RIPOR2: variants seen among roughly 807,000 people sequenced by gnomAD.
The protein encoded by RIPOR2 is rho family-interacting cell polarization regulator 2.
Under a neutral mutation model 114.5 loss-of-function variants are expected in RIPOR2, and 39 were observed. That is an observed-to-expected ratio of 0.34 (90% CI 0.26 to 0.44). The LOEUF (loss-of-function observed/expected upper bound fraction) is 0.44, where lower values mean the gene tolerates loss of function less well. RIPOR2 is among the 20% of genes least tolerant of loss of function. The probability of loss-of-function intolerance (pLI) is 1.00; values close to 1 mark genes in which losing one functional copy is unlikely to be tolerated. For missense variants in RIPOR2, 1,007 were observed against 1,255.1 expected, an observed-to-expected ratio of 0.80 and a Z score of 2.99; for synonymous variants, 445 against 484.4, an observed-to-expected ratio of 0.92 and a Z score of 1.07.
chr6:24,948,837 C>T (rs995369124), intron 1 of RIPOR2, among the ~76,000 whole-genome samples: 2 of 152,138 alleles, frequency 1.3e-5, no homozygotes, highest in Non-Finnish European at 2.9e-5. Context: ...AGCCACTCTC[C>T]TATTTCAAAC....
At chr6:25,011,667 G>C (rs1205629549) in intron 1 of RIPOR2, among the ~76,000 whole-genome samples, 2 of 152,152 alleles carry the variant, frequency 1.3e-5, no homozygotes, top group Admixed American at 6.5e-5. Flanking sequence ...GTAAAAGGAA[G>C]CAAGTTCTTA....
At chr6:24,974,728 T>C (rs534833394) in intron 1 of RIPOR2, among the ~76,000 whole-genome samples, 1 of 152,346 alleles carries the variant, frequency 6.6e-6, no homozygotes, top group South Asian at 2.1e-4. Flanking sequence ...TTATTCATCA[T>C]AGCCAAAAAT....
intron 1 of RIPOR2, among the ~76,000 whole-genome samples, chr6:24,920,461 C>G (rs893276993): frequency 3.3e-5 from 5 of 152,180 alleles, no homozygotes; most frequent in Non-Finnish European, 7.4e-5. Flanking sequence ...CCAGCCCTTT[C>G]CCTCTGATCT....
At chr6:25,001,706 T>C (rs1159635083) in intron 1 of RIPOR2, among the ~76,000 whole-genome samples, 2 of 148,604 alleles carry the variant, frequency 1.3e-5, no homozygotes, top group East Asian at 2.0e-4. Flanking sequence ...TCTTTCTTTT[T>C]TTTTTTTTTT....
chr6:24,996,129 A>T (rs1219096467), intron 1 of RIPOR2, among the ~76,000 whole-genome samples: 1 of 152,220 alleles, frequency 6.6e-6, no homozygotes, highest in Non-Finnish European at 1.5e-5. Context: ...CCTAGAAAAT[A>T]AAATTCCTTT....
intron 1 of RIPOR2, among the ~76,000 whole-genome samples, chr6:24,881,472 G>T (rs964073510): frequency 3.9e-5 from 6 of 152,098 alleles, no homozygotes; most frequent in Non-Finnish European, 7.4e-5. Context: ...ACACAACAGG[G>T]TCTTTCTGGA....
chr6:24,990,898 A>G (rs1181975821), intron 1 of RIPOR2, among the ~76,000 whole-genome samples: 5 of 152,248 alleles, frequency 3.3e-5, no homozygotes, highest in African/African-American at 1.2e-4. Flanking sequence ...GAAGCTCTAA[A>G]TACACAATAA....
rs1776076944 is a variant in RIPOR2 at position 25,017,572 on chromosome 6, T to G, written c.76+24279A>C. Among the ~76,000 whole-genome samples, 3 of 152,234 alleles carry G rather than the reference T, an allele frequency of 2.0e-5. No individual in the cohort carries two copies. The South Asian group carries it at 6.2e-4, about 31-fold the overall frequency. Reference sequence around the variant, plus strand: ...CTCTTCCACAAAGTCCTTCCGGCCCTCTGGTCTCACCTGGCCACGCCTATC... The same window carrying G: ...CTCTTCCACAAAGTCCTTCCGGCCCGCTGGTCTCACCTGGCCACGCCTATC... On this transcript the variant is annotated intron_variant, in intron 1 of 13. Transcript: ENST00000510784.
intron 21 of RIPOR2, among the ~76,000 whole-genome samples, chr6:24,808,162 G>A (rs1325865049): frequency 3.3e-5 from 5 of 152,338 alleles, no homozygotes; most frequent in Admixed American, 2.6e-4. Flanking sequence ...GGGCTGATAT[G>A]AGCAGTGTGC....
intron 1 of RIPOR2, among the ~76,000 whole-genome samples, chr6:25,009,827 G>T (rs1384164623): frequency 2.6e-5 from 4 of 152,214 alleles, no homozygotes; most frequent in African/African-American, 9.7e-5. Context: ...GTGGGTGGAG[G>T]TGGGGACTCA....
intron 12 of RIPOR2, 146 bp downstream of exon 12, chr6:24,847,879 G>A (rs1468179667): frequency 8.4e-7 from 1 of 1,184,080 alleles, no homozygotes; most frequent in Admixed American, 2.5e-5. Flanking sequence ...AGGTAAGGTG[G>A]GCAAGGAGAG....
At chr6:24,895,435 C>T (rs1463190951) in intron 1 of RIPOR2, among the ~76,000 whole-genome samples, 7 of 117,374 alleles carry the variant, frequency 6.0e-5, no homozygotes, top group Non-Finnish European at 1.2e-4. Flanking sequence ...GGCATACGTA[C>T]TTTAAAAAAA....
chr6:25,023,626 G>T (rs536209246), intron 1 of RIPOR2: 331 of 763,576 alleles, frequency 4.3e-4, no homozygotes, highest in Middle Eastern at 1.4e-3. Context: ...TGTGGTAAAG[G>T]ATGGTGCCTG....
chr6:24,860,779 C>T (rs1763994568), intron 8 of RIPOR2, among the ~76,000 whole-genome samples, 194 bp downstream of exon 8: 1 of 152,134 alleles, frequency 6.6e-6, no homozygotes, highest in African/African-American at 2.4e-5. Flanking sequence ...GAGATTCTGT[C>T]ATAATATTTT....
rs1212071653 is a variant in RIPOR2, at chr6:24,835,844, C to T, written c.2067G>A (p.Arg689=). ...CAGTGAGCGCTTCACTGAGATGCCCCCTGGCTTCTGGGTGAACCGACCTGT... is the reference window on the plus strand; with the variant it reads ...CAGTGAGCGCTTCACTGAGATGCCCTCTGGCTTCTGGGTGAACCGACCTGT... ...HSYRSVHPEA[R]GHLSEALTED... The change falls in exon 15 of 22, where the codon AGG becomes AGA. Residue 689 remains arginine (R), a synonymous_variant. Coordinates refer to ENST00000643898, the MANE Select transcript of RIPOR2 (RefSeq NM_001286445.3). 4 of 1,551,562 alleles carry T rather than the reference C, an allele frequency of 2.6e-6. No homozygotes were observed. The highest frequency in any genetic ancestry group is 3.5e-6 in the Non-Finnish European group (4 of 1,146,968).
intron 2 of RIPOR2, 86 bp downstream of exon 2, chr6:24,875,605 G>C (rs1664488541): frequency 3.7e-6 from 5 of 1,356,036 alleles, no homozygotes; most frequent in Non-Finnish European, 5.1e-6. Context: ...GTTTGACAAG[G>C]CTGAATGCAC....
intron 8 of RIPOR2, among the ~76,000 whole-genome samples, chr6:24,855,310 G>T (rs562278213): frequency 6.6e-6 from 1 of 152,040 alleles, no homozygotes; most frequent in South Asian, 2.1e-4. Flanking sequence ...AGAAAAGTTG[G>T]TTGGATATTT....
chr6:24,929,787 A>G (rs892321440), intron 1 of RIPOR2, among the ~76,000 whole-genome samples: 7 of 152,218 alleles, frequency 4.6e-5, no homozygotes, highest in Admixed American at 6.5e-5. Flanking sequence ...AAAATATAGA[A>G]GGCAGGCTGA....
intron 1 of RIPOR2, among the ~76,000 whole-genome samples, chr6:25,039,681 A>G (rs1777386624): frequency 6.6e-6 from 1 of 152,232 alleles, no homozygotes; most frequent in Non-Finnish European, 1.5e-5. Context: ...ATGCAGATCC[A>G]TAATCCAGCT....
Sources: gnomAD v4.1 joint callset for allele counts (sites outside exome capture counted in the v4.1 genomes callset) on GRCh38, gnomAD v4.1.1 for gene constraint, MANE v1.5 for transcripts, NCBI Gene and HGNC (gene_info 2026-07-23, HGNC 2026-07-21) for gene names.